The following CAMTA1 variants were observed in gnomAD, a reference collection of about 807,000 sequenced individuals.
CAMTA1 encodes calmodulin binding transcription activator 1.
Under a neutral mutation model 170.9 loss-of-function variants are expected in CAMTA1, and 27 were observed. That is an observed-to-expected ratio of 0.16 (90% confidence interval 0.12 to 0.22). CAMTA1 has a LOEUF of 0.22. Among genes scored for constraint, CAMTA1 ranks in the 10% least tolerant of loss-of-function variants. The pLI is 1.00. For missense variants in CAMTA1, 1,619 were observed against 2,217.2 expected (o/e 0.73, Z 5.42); for synonymous variants, 833 against 891.5 (o/e 0.93, Z 1.17).
At position 7,195,108 on chromosome 1, in the gene CAMTA1, G is replaced by A. The variant is rs1035630596; in HGVS notation, c.303-54383G>A. Among the ~76,000 whole-genome samples, 17 of 152,114 alleles carry A rather than the reference G, an allele frequency of 1.1e-4. No individual in the cohort carries two copies. Among genetic ancestry groups the A allele is most frequent in the African/African-American group, 3.9e-4 (16 of 41,426 alleles). On this transcript the variant is annotated intron_variant, in intron 4 of 22. Transcript: ENST00000303635. This position sits in a 1 kb window ranked among gnomAD's most constrained non-coding sequence, Gnocchi z 4.1. ...GCCAAACACACAAATAAGCAAACACGCACATAAACCACCAACTAACCCAGC... is the reference window on the plus strand; with the variant it reads ...GCCAAACACACAAATAAGCAAACACACACATAAACCACCAACTAACCCAGC...
At chr1:6,903,961 C>T (rs563934332) in intron 3 of CAMTA1, among the ~76,000 whole-genome samples, 5 of 152,328 alleles carry the variant, frequency 3.3e-5, no homozygotes, top group East Asian at 1.9e-4. Context: ...ACTCTGTTGA[C>T]GATTCCCAAA....
chr1:6,924,575 C>T (rs572257768), intron 3 of CAMTA1, among the ~76,000 whole-genome samples: 2 of 152,322 alleles, frequency 1.3e-5, no homozygotes, highest in African/African-American at 4.8e-5. Flanking sequence ...ATCTGGGTCC[C>T]TGTGAGGAGG....
At chr1:6,870,583 T>A (rs1668133469) in intron 3 of CAMTA1, among the ~76,000 whole-genome samples, 1 of 152,234 alleles carries the variant, frequency 6.6e-6, no homozygotes, top group African/African-American at 2.4e-5. Flanking sequence ...GTTTTTGGAA[T>A]TTAGTTTTAA....
intron 3 of CAMTA1, among the ~76,000 whole-genome samples, chr1:7,034,559 C>G (rs745760916): frequency 6.6e-6 from 1 of 152,232 alleles, no homozygotes; most frequent in African/African-American, 2.4e-5. Flanking sequence ...AGCCTCTGCA[C>G]AGCTCTGGAG....
chr1:7,574,226 G>T (rs1022679625), intron 6 of CAMTA1, among the ~76,000 whole-genome samples: 1 of 152,158 alleles, frequency 6.6e-6, no homozygotes, highest in African/African-American at 2.4e-5. Context: ...TGAGCCAAGG[G>T]CTGGGAGCTG....
intron 6 of CAMTA1, among the ~76,000 whole-genome samples, chr1:7,536,479 T>C (rs772625430): frequency 3.9e-5 from 6 of 152,100 alleles, no homozygotes; most frequent in African/African-American, 9.7e-5. Flanking sequence ...TCTGTGACCA[T>C]TGGGTGTCCT....
At chr1:7,102,988 A>G (rs1642918072) in intron 4 of CAMTA1, among the ~76,000 whole-genome samples, 1 of 152,120 alleles carries the variant, frequency 6.6e-6, no homozygotes, top group South Asian at 2.1e-4. Context: ...AGTGGTGGTG[A>G]CCAAGACAGA....
intron 5 of CAMTA1, among the ~76,000 whole-genome samples, chr1:7,379,765 G>A (rs910438562): frequency 6.6e-6 from 1 of 152,170 alleles, no homozygotes; most frequent in Non-Finnish European, 1.5e-5. Flanking sequence ...CTGACACCTC[G>A]CTTTGATCTC....
At chr1:7,085,214 A>T (rs1640580616) in intron 3 of CAMTA1, among the ~76,000 whole-genome samples, 1 of 152,204 alleles carries the variant, frequency 6.6e-6, no homozygotes, top group Non-Finnish European at 1.5e-5. Context: ...TGGCACTCAC[A>T]GATTGGCCAG....
At chr1:6,847,400 A>C (rs1658614039) in intron 3 of CAMTA1, among the ~76,000 whole-genome samples, 1 of 152,152 alleles carries the variant, frequency 6.6e-6, no homozygotes, top group Non-Finnish European at 1.5e-5. Context: ...TGTGCAAAGG[A>C]ACGGAAGAAG....
chr1:7,237,530 C>T (rs536220940), intron 4 of CAMTA1, among the ~76,000 whole-genome samples: 377 of 152,296 alleles, frequency 2.5e-3, no homozygotes, highest in South Asian at 0.011. Flanking sequence ...TAAAGCAAGA[C>T]GCTGGAAAGA....
rs1350950806 is a variant in CAMTA1 at position 7,585,180 on chromosome 1, A to C, written c.511-55220A>C. On this transcript the variant is annotated intron_variant, in intron 6 of 22. Transcript: ENST00000303635. This position sits in a 1 kb window ranked among gnomAD's most constrained non-coding sequence, Gnocchi z 4.8. ...GTTATGAACAAGCTGTGGCTTTTAG[A>C]GCTTTATGGATTTTGGAATTGGATT... Among the ~76,000 whole-genome samples the C allele has an allele frequency of 2.0e-5, 3 of 152,106 alleles. No individual in the cohort carries two copies. The highest frequency in any genetic ancestry group is 1.3e-4 in the Admixed American group (2 of 15,266).
intron 11 of CAMTA1, among the ~76,000 whole-genome samples, chr1:7,678,491 G>T (rs765734499): frequency 6.6e-6 from 1 of 152,230 alleles, no homozygotes; most frequent in Non-Finnish European, 1.5e-5. Flanking sequence ...GTGAGTGTTG[G>T]TGGTTCCCCT....
intron 5 of CAMTA1, among the ~76,000 whole-genome samples, chr1:7,396,298 A>G (rs1367259298): frequency 6.6e-6 from 1 of 152,228 alleles, no homozygotes; most frequent in African/African-American, 2.4e-5. Context: ...CCATGAGTGG[A>G]AAAAGCTTGA....
chr1:7,643,372 C>A (rs1220959311), intron 7 of CAMTA1, among the ~76,000 whole-genome samples: 2 of 152,238 alleles, frequency 1.3e-5, no homozygotes, highest in Admixed American at 1.3e-4. Flanking sequence ...AGAGATTAGC[C>A]AAGGAGGTTC....
intron 6 of CAMTA1, among the ~76,000 whole-genome samples, chr1:7,614,558 C>T (rs780363888): frequency 2.6e-5 from 4 of 152,184 alleles, no homozygotes; most frequent in African/African-American, 7.2e-5. Context: ...GGCGCTGACA[C>T]GCTGAAGGCT....
chr1:6,840,043 A>G (rs1161257103), intron 3 of CAMTA1, among the ~76,000 whole-genome samples: 1 of 152,156 alleles, frequency 6.6e-6, no homozygotes, highest in Non-Finnish European at 1.5e-5. Flanking sequence ...TCTACTAAAA[A>G]TACAAAATTA....
At chr1:7,385,522 T>G (rs1291172341) in intron 5 of CAMTA1, among the ~76,000 whole-genome samples, 1 of 152,154 alleles carries the variant, frequency 6.6e-6, no homozygotes, top group Non-Finnish European at 1.5e-5. Context: ...GGCCAGTGTT[T>G]GAAGTGATGG....
intron 3 of CAMTA1, among the ~76,000 whole-genome samples, chr1:6,868,318 T>TAAA (rs983806726): frequency 7.5e-6 from 1 of 134,132 alleles, no homozygotes; most frequent in East Asian, 2.5e-4. Flanking sequence ...TTTTTTTTTT[T>TAAA]AAAAACAAAA....
Sources: gnomAD v4.1 joint callset for allele counts (sites outside exome capture counted in the v4.1 genomes callset) on GRCh38, gnomAD v4.1.1 for gene constraint, Gnocchi (gnomAD v3.1) non-coding constraint, MANE v1.5 for transcripts, NCBI Gene and HGNC (gene_info 2026-07-23, HGNC 2026-07-21) for gene names.